Variants in TEKT5 observed in about 807,000 individuals in gnomAD.
TEKT5 encodes tektin-5.
Under a neutral mutation model 48.7 loss-of-function variants are expected in TEKT5, and 52 were observed. That is an observed-to-expected ratio of 1.07 (90% CI 0.86 to 1.35). The LOEUF (loss-of-function observed/expected upper bound fraction) is 1.35. TEKT5 is among the 40% of genes most tolerant of loss of function. TEKT5 has a pLI of 0.00. For missense variants in TEKT5, 831 were observed against 641.6 expected (o/e 1.30, Z -3.19); for synonymous variants, 318 against 267.6 (o/e 1.19, Z -1.84).
intron 5 of TEKT5, among the ~76,000 whole-genome samples, chr16:10,657,962 T>G (rs1265475158): frequency 6.6e-6 from 1 of 152,110 alleles, no homozygotes; most frequent in Non-Finnish European, 1.5e-5. Flanking sequence ...TTCACCCACT[T>G]AAAATGTACT....
intron 5 of TEKT5, 84 bp downstream of exon 5, chr16:10,675,875 G>T: frequency 7.2e-7 from 1 of 1,396,294 alleles, no homozygotes. Flanking sequence ...GGCAGGGCCA[G>T]CTTGGCCCAG....
intron 5 of TEKT5, among the ~76,000 whole-genome samples, chr16:10,656,172 C>T (rs559645534): frequency 1.5e-4 from 23 of 152,312 alleles, no homozygotes; most frequent in African/African-American, 5.3e-4. Context: ...AGTGTGACAA[C>T]CAAAATTATC....
intron 5 of TEKT5, among the ~76,000 whole-genome samples, chr16:10,658,185 T>C (rs1400742057): frequency 6.6e-6 from 1 of 152,144 alleles, no homozygotes; most frequent in Non-Finnish European, 1.5e-5. Flanking sequence ...TCAATATTTG[T>C]CAACCTCTGA....
At chr16:10,666,096 G>T (rs979023114) in intron 5 of TEKT5, among the ~76,000 whole-genome samples, 1 of 152,086 alleles carries the variant, frequency 6.6e-6, no homozygotes, top group African/African-American at 2.4e-5. Flanking sequence ...AAATTAGCCG[G>T]GCATGGTGGT....
At chr16:10,663,198 G>T (rs1596410480) in intron 5 of TEKT5, among the ~76,000 whole-genome samples, 1 of 152,300 alleles carries the variant, frequency 6.6e-6, no homozygotes, top group East Asian at 1.9e-4. Context: ...GATATTCCTG[G>T]CTGGACTAGA....
chr16:10,634,067 C>G (rs955864506), intron 6 of TEKT5, among the ~76,000 whole-genome samples: 11 of 152,198 alleles, frequency 7.2e-5, no homozygotes, highest in African/African-American at 2.7e-4. Context: ...ATGGAGGGAG[C>G]AGGGTCCATC....
At chr16:10,638,486 G>T (rs1897946752) in intron 5 of TEKT5, among the ~76,000 whole-genome samples, 1 of 152,228 alleles carries the variant, frequency 6.6e-6, no homozygotes, top group South Asian at 2.1e-4. Flanking sequence ...TCCCTGAGAA[G>T]CCTAGAAATG....
At chr16:10,663,866 T>C (rs1030466062) in intron 5 of TEKT5, among the ~76,000 whole-genome samples, 4 of 152,228 alleles carry the variant, frequency 2.6e-5, no homozygotes, top group Non-Finnish European at 4.4e-5. Flanking sequence ...GAGATAAATG[T>C]TGAGCAGGTC....
chr16:10,662,305 T>C (rs993011985), intron 5 of TEKT5, among the ~76,000 whole-genome samples: 1 of 152,212 alleles, frequency 6.6e-6, no homozygotes, highest in Non-Finnish European at 1.5e-5. Flanking sequence ...CTGCTTTAGA[T>C]GTTGACCTAT....
chr16:10,660,374 C>T (rs558996357), intron 5 of TEKT5, among the ~76,000 whole-genome samples: 1 of 152,254 alleles, frequency 6.6e-6, no homozygotes, highest in Non-Finnish European at 1.5e-5. Flanking sequence ...AGTAACTCCC[C>T]CCACCCCACC....
chr16:10,630,140 C>T (rs1032564856), intron 6 of TEKT5, among the ~76,000 whole-genome samples: 5 of 152,016 alleles, frequency 3.3e-5, no homozygotes, highest in African/African-American at 9.7e-5. Flanking sequence ...CACCATGTTG[C>T]CCAGGCTGGT....
chr16:10,658,690 A>G (rs1050697851), intron 5 of TEKT5, among the ~76,000 whole-genome samples: 8 of 151,134 alleles, frequency 5.3e-5, no homozygotes, highest in African/African-American at 2.0e-4. Context: ...ACCTATTGAC[A>G]TTCAGTGACA....
At chr16:10,684,768 C>T (rs778313623) in intron 3 of TEKT5, among the ~76,000 whole-genome samples, 26 of 152,172 alleles carry the variant, frequency 1.7e-4, no homozygotes, top group Non-Finnish European at 2.9e-4. Context: ...CGGCCCACAA[C>T]CAAGGGCCAG....
At chr16:10,679,661 G>A (rs1052237090) in intron 4 of TEKT5, among the ~76,000 whole-genome samples, 2 of 152,064 alleles carry the variant, frequency 1.3e-5, no homozygotes, top group Non-Finnish European at 2.9e-5. Context: ...TTGGGAGGCC[G>A]AGGCGGGCAG....
chr16:10,640,833 T>C (rs1437129788), intron 5 of TEKT5, among the ~76,000 whole-genome samples: 1 of 152,196 alleles, frequency 6.6e-6, no homozygotes, highest in African/African-American at 2.4e-5. Flanking sequence ...CATTGCACAA[T>C]ATTCCACCAT....
At chr16:10,641,719 G>A (rs1897996651) in intron 5 of TEKT5, among the ~76,000 whole-genome samples, 1 of 152,222 alleles carries the variant, frequency 6.6e-6, no homozygotes, top group Admixed American at 6.5e-5. Flanking sequence ...CTACAAGGGA[G>A]GCTGAGGCAG....
At position 10,694,356 on chromosome 16, in the gene TEKT5, T is replaced by G. The variant is rs768429949; in HGVS notation, c.518A>C (p.Lys173Thr). The G allele has an allele frequency of 3.1e-5, 50 of 1,613,046 alleles. 1 individual carries two copies. In the South Asian group the frequency reaches 5.5e-4, roughly 18 times the overall value. ...LTENQNLETV[K>T]RRLECAANEV... Reference sequence around the variant, plus strand: ...ATTGGCCGCGCACTCCAGCCGCCTCTTGACCGTCTCCAAGTTCTGGTTCTC... The same window carrying G: ...ATTGGCCGCGCACTCCAGCCGCCTCGTGACCGTCTCCAAGTTCTGGTTCTC... The change falls in exon 1 of 7, where the codon AAG becomes ACG. Residue 173 changes from lysine (K) to threonine (T), a missense_variant. Coordinates refer to ENST00000283025, the MANE Select transcript of TEKT5 (RefSeq NM_144674.2).
At chr16:10,681,851 C>T (rs764828324) in intron 4 of TEKT5, 142 bp downstream of exon 4, 79 of 1,143,878 alleles carry the variant, frequency 6.9e-5, no homozygotes, top group Non-Finnish European at 9.8e-5. Flanking sequence ...GATTCTGCCG[C>T]CTGCGCTAGA....
intron 6 of TEKT5, among the ~76,000 whole-genome samples, chr16:10,633,041 C>G (rs7198469): frequency 0.22 from 33,024 of 152,098 alleles, 4,387 homozygotes; most frequent in East Asian, 0.45. Flanking sequence ...CTCCAGGCAA[C>G]TCCCCCAGAA....
Sources: allele counts gnomAD v4.1 joint callset (sites outside exome capture counted in the v4.1 genomes callset), GRCh38; gene constraint gnomAD v4.1.1; transcripts MANE v1.5; gene names NCBI Gene and HGNC (gene_info 2026-07-23, HGNC 2026-07-21).